KCNH5: variants seen among roughly 807,000 people sequenced by gnomAD.
KCNH5 encodes the protein potassium voltage-gated channel subfamily H member 5, also known as voltage-gated delayed rectifier potassium channel KCNH5.
KCNH5 carries 46 observed loss-of-function variants against 96.1 expected under a neutral mutation model. The observed-to-expected ratio is 0.48, with a 90% confidence interval of 0.38 to 0.61. The LOEUF is 0.61. KCNH5 is among the 20% of genes least tolerant of loss of function. The probability of loss-of-function intolerance (pLI) is 0.00; values close to 1 mark genes in which losing one functional copy is unlikely to be tolerated. For missense variants in KCNH5, 907 were observed against 1,225.8 expected, an observed-to-expected ratio of 0.74 and a Z score of 3.88; for synonymous variants, 439 against 449.8, an observed-to-expected ratio of 0.98 and a Z score of 0.30.
intron 6 of KCNH5, among the ~76,000 whole-genome samples, chr14:62,973,767 C>T (rs1057344737): frequency 1.3e-4 from 20 of 152,116 alleles, no homozygotes; most frequent in African/African-American, 4.3e-4. Flanking sequence ...AGTTATACCA[C>T]TGAAGTATTA....
intron 1 of KCNH5, among the ~76,000 whole-genome samples, chr14:63,022,900 T>C (rs1051910871): frequency 1.3e-5 from 2 of 152,056 alleles, no homozygotes; most frequent in African/African-American, 2.4e-5. Context: ...CCTATTTGTG[T>C]CATGACTTAA....
intron 10 of KCNH5, among the ~76,000 whole-genome samples, chr14:62,724,162 A>G (rs1182790873): frequency 2.6e-5 from 4 of 152,222 alleles, no homozygotes; most frequent in African/African-American, 9.6e-5. Context: ...AGTCTATTAG[A>G]AATAGCACTG....
chr14:62,924,950 A>G (rs1889445731), intron 7 of KCNH5, among the ~76,000 whole-genome samples: 1 of 151,994 alleles, frequency 6.6e-6, no homozygotes, highest in Non-Finnish European at 1.5e-5. Flanking sequence ...GTAGATCTTA[A>G]GTATTCTTAC....
intron 1 of KCNH5, among the ~76,000 whole-genome samples, chr14:63,023,282 T>C (rs962052249): frequency 1.3e-5 from 2 of 152,164 alleles, no homozygotes; most frequent in Non-Finnish European, 2.9e-5. Flanking sequence ...ATGTAAGTTT[T>C]TGCTCACATT....
chr14:62,884,332 A>G (rs561081740), intron 7 of KCNH5, among the ~76,000 whole-genome samples: 2 of 152,206 alleles, frequency 1.3e-5, no homozygotes, highest in East Asian at 3.9e-4. Flanking sequence ...ATTTTTAAAA[A>G]TGGAAATAAT....
At chr14:62,951,748 G>A (rs1054008471) in intron 6 of KCNH5, among the ~76,000 whole-genome samples, 9 of 152,110 alleles carry the variant, frequency 5.9e-5, no homozygotes, top group Admixed American at 5.9e-4. Context: ...ATCACCTGAG[G>A]TCAGGAGTTC....
chr14:62,942,840 G>C (rs1308936584), intron 7 of KCNH5, among the ~76,000 whole-genome samples: 1 of 152,058 alleles, frequency 6.6e-6, no homozygotes, highest in Non-Finnish European at 1.5e-5. Flanking sequence ...ATAATTTTTA[G>C]TTTGGTTTGT....
chr14:62,740,334 T>C (rs1037991046), intron 10 of KCNH5, among the ~76,000 whole-genome samples: 5 of 152,188 alleles, frequency 3.3e-5, no homozygotes, highest in African/African-American at 9.6e-5. Context: ...ACACGCACAC[T>C]TGTCTAATCT....
At chr14:62,915,517 A>C (rs1356233253) in intron 7 of KCNH5, among the ~76,000 whole-genome samples, 1 of 152,240 alleles carries the variant, frequency 6.6e-6, no homozygotes, top group Non-Finnish European at 1.5e-5. Flanking sequence ...ATGCAGTAAA[A>C]GTAAAGGTAG....
chr14:62,852,096 A>T (rs1887819087), intron 7 of KCNH5, among the ~76,000 whole-genome samples: 1 of 152,170 alleles, frequency 6.6e-6, no homozygotes, highest in South Asian at 2.1e-4. Context: ...ATACTTATAC[A>T]TATTTATGAG....
At chr14:62,963,260 G>A (rs889037213) in intron 6 of KCNH5, among the ~76,000 whole-genome samples, 9 of 152,078 alleles carry the variant, frequency 5.9e-5, no homozygotes, top group African/African-American at 1.7e-4. Flanking sequence ...TCATAGGTAC[G>A]TCTGTATAGG....
intron 9 of KCNH5, among the ~76,000 whole-genome samples, chr14:62,782,047 T>C (rs909708428): frequency 3.9e-5 from 6 of 152,350 alleles, no homozygotes; most frequent in African/African-American, 1.4e-4. Flanking sequence ...CACGTTCTTC[T>C]GCCATGGCTT....
intron 7 of KCNH5, among the ~76,000 whole-genome samples, chr14:62,911,940 A>G (rs1356103931): frequency 2.0e-5 from 3 of 150,258 alleles, no homozygotes; most frequent in Non-Finnish European, 4.4e-5. Context: ...CGAGAGGCTG[A>G]GGCAGGAGAA....
At chr14:62,809,987 T>A (rs548521770) in intron 8 of KCNH5, among the ~76,000 whole-genome samples, 2 of 152,214 alleles carry the variant, frequency 1.3e-5, no homozygotes, top group East Asian at 3.9e-4. Context: ...CAAGCCCATA[T>A]CAGCTTAGTT....
chr14:62,899,970 C>T (rs561802591), intron 7 of KCNH5, among the ~76,000 whole-genome samples: 6 of 152,188 alleles, frequency 3.9e-5, no homozygotes, highest in Admixed American at 2.0e-4. Context: ...TAATCAACAA[C>T]GACTTCTAAT....
chr14:62,856,126 C>T (rs1218022163), intron 7 of KCNH5, among the ~76,000 whole-genome samples: 1 of 152,062 alleles, frequency 6.6e-6, no homozygotes, highest in African/African-American at 2.4e-5. Flanking sequence ...TTTGTAGAGT[C>T]AAAGAAAAAT....
At chr14:62,781,798 A>G (rs1043600980) in intron 9 of KCNH5, among the ~76,000 whole-genome samples, 2 of 152,170 alleles carry the variant, frequency 1.3e-5, no homozygotes, top group African/African-American at 2.4e-5. Flanking sequence ...TATGCTGTAC[A>G]ATTTGTGCAG....
At chr14:63,040,991 CTAAAA>C (rs1215352074) in intron 1 of KCNH5, among the ~76,000 whole-genome samples, 5 of 151,930 alleles carry the variant, frequency 3.3e-5, no homozygotes, top group African/African-American at 9.7e-5. Flanking sequence ...TTCCACAAAA[CTAAAA>C]TAAACTTCCA....
intron 7 of KCNH5, among the ~76,000 whole-genome samples, chr14:62,942,626 C>T (rs528421116): frequency 6.6e-6 from 1 of 152,312 alleles, no homozygotes; most frequent in South Asian, 2.1e-4. Flanking sequence ...TCTTGTCATA[C>T]ACATCCCACT....
Sources: gnomAD v4.1 joint callset for allele counts (sites outside exome capture counted in the v4.1 genomes callset) on GRCh38, gnomAD v4.1.1 for gene constraint, MANE v1.5 for transcripts, NCBI Gene and HGNC (gene_info 2026-07-23, HGNC 2026-07-21) for gene names.